Variants in WDFY3 observed in about 807,000 individuals in gnomAD.
The protein encoded by WDFY3 is WD repeat and FYVE domain containing 3, also known as WD repeat and FYVE domain-containing protein 3.
In WDFY3, 66 loss-of-function variants were observed where a neutral mutation model predicts 409.6. That is an observed-to-expected ratio of 0.16 (90% CI 0.13 to 0.20). The LOEUF (loss-of-function observed/expected upper bound fraction) is 0.20. WDFY3 is among the 10% of genes least tolerant of loss of function. The pLI is 1.00. For synonymous variants in WDFY3, 1,521 were observed against 1,537.1 expected (o/e 0.99, Z 0.25); for missense variants, 3,031 against 4,298.1 (o/e 0.71, Z 8.24).
chr4:84,710,070 G>C (rs546729541), intron 51 of WDFY3, among the ~76,000 whole-genome samples: 1 of 151,914 alleles, frequency 6.6e-6, no homozygotes, highest in Non-Finnish European at 1.5e-5. Context: ...TGTAGAGATG[G>C]GGTCTTGGTA....
chr4:84,715,409 T>A, intron 49 of WDFY3, 26 bp from the exon 50 acceptor site: 8 of 1,297,170 alleles, frequency 6.2e-6, no homozygotes, highest in Admixed American at 1.9e-5. Flanking sequence ...AGAAAAACAT[T>A]AAGAAAAAAC....
intron 1 of WDFY3, among the ~76,000 whole-genome samples, chr4:84,932,802 C>T (rs1242525849): frequency 6.6e-6 from 1 of 152,092 alleles, no homozygotes; most frequent in Admixed American, 6.5e-5. Context: ...AAGATAAATG[C>T]GGTATAGAGC....
At chr4:84,888,020 C>A (rs1176967436) in intron 3 of WDFY3, among the ~76,000 whole-genome samples, 4 of 152,078 alleles carry the variant, frequency 2.6e-5, no homozygotes, top group Non-Finnish European at 5.9e-5. Flanking sequence ...GACTCATGAG[C>A]GGTATCTTGG....
At chr4:84,914,490 G>C (rs1561065769) in intron 2 of WDFY3, among the ~76,000 whole-genome samples, 2 of 152,102 alleles carry the variant, frequency 1.3e-5, no homozygotes, top group South Asian at 4.1e-4. Context: ...AGAGTCAAAA[G>C]TTATACATAA....
chr4:84,693,628 T>C (rs1411345877), intron 58 of WDFY3, among the ~76,000 whole-genome samples: 3 of 152,182 alleles, frequency 2.0e-5, no homozygotes, highest in Admixed American at 6.5e-5. Context: ...CTGGGTGAGG[T>C]GGCTCATGCC....
intron 1 of WDFY3, among the ~76,000 whole-genome samples, chr4:84,963,929 T>C (rs926870300): frequency 1.3e-5 from 2 of 152,230 alleles, no homozygotes; most frequent in African/African-American, 4.8e-5. Flanking sequence ...ATCACAAACA[T>C]TTCTTGGGCA....
chr4:84,685,271 C>T (rs1728115153), intron 62 of WDFY3, among the ~76,000 whole-genome samples: 1 of 152,160 alleles, frequency 6.6e-6, no homozygotes, highest in African/African-American at 2.4e-5. Flanking sequence ...GTGGAGGAGG[C>T]TGGGGTAGGG....
intron 3 of WDFY3, among the ~76,000 whole-genome samples, chr4:84,874,125 A>G (rs1179626107): frequency 6.6e-6 from 1 of 151,566 alleles, no homozygotes; most frequent in Non-Finnish European, 1.5e-5. Context: ...CTGATAAACC[A>G]AGCAGAGACC....
At chr4:84,939,187 G>T (rs990549691) in intron 1 of WDFY3, among the ~76,000 whole-genome samples, 2 of 151,880 alleles carry the variant, frequency 1.3e-5, no homozygotes, top group African/African-American at 4.8e-5. Flanking sequence ...TTCCCTCCCC[G>T]CTTTTTAAAG....
At chr4:84,805,266 T>C (rs1210097765) in intron 15 of WDFY3, among the ~76,000 whole-genome samples, 3 of 152,170 alleles carry the variant, frequency 2.0e-5, no homozygotes, top group Non-Finnish European at 4.4e-5. Flanking sequence ...AAAACAATTC[T>C]GGTCCCAAGT....
chr4:84,793,219 C>T (rs1271144203), intron 21 of WDFY3, among the ~76,000 whole-genome samples: 1 of 152,192 alleles, frequency 6.6e-6, no homozygotes, highest in Admixed American at 6.5e-5. Context: ...CTCTCCTAGG[C>T]TGGAGTGCCA....
chr4:84,884,132 T>C (rs1001832716), intron 3 of WDFY3, among the ~76,000 whole-genome samples: 1 of 152,170 alleles, frequency 6.6e-6, no homozygotes, highest in Non-Finnish European at 1.5e-5. Context: ...TGGTCAAAAC[T>C]GAGTCACGCC....
At chr4:84,702,110 C>A (rs571131438) in intron 56 of WDFY3, among the ~76,000 whole-genome samples, 1 of 152,276 alleles carries the variant, frequency 6.6e-6, no homozygotes, top group South Asian at 2.1e-4. Flanking sequence ...CAGGTTCAAG[C>A]AATTTTCCTG....
intron 1 of WDFY3, among the ~76,000 whole-genome samples, chr4:84,936,110 C>T (rs2150993351): frequency 6.6e-6 from 1 of 152,278 alleles, no homozygotes; most frequent in Admixed American, 6.5e-5. Context: ...TGAAATGCCA[C>T]AGAAACCTGA....
chr4:84,915,237 C>T (rs973067767), intron 2 of WDFY3, among the ~76,000 whole-genome samples: 5 of 152,004 alleles, frequency 3.3e-5, no homozygotes, highest in African/African-American at 4.8e-5. Flanking sequence ...GAAAAACTTC[C>T]GGAAATAGAT....
chr4:84,845,040 A>G (rs1456562100), intron 5 of WDFY3, among the ~76,000 whole-genome samples: 1 of 152,214 alleles, frequency 6.6e-6, no homozygotes, highest in Admixed American at 6.5e-5. Context: ...CTTCAGATAG[A>G]TGTAAACAAC....
At position 84,740,215 on chromosome 4, in the gene WDFY3, G is replaced by A. The variant is rs757115708; in HGVS notation, c.6436C>T (p.His2146Tyr). The stretch of plus-strand genomic sequence containing the variant: ...CCAACATGTAGATTTATCAAGCAGT[G>A]GGCCAGACAGCTAATGAATTCTTGG... ...HDQEFISCLAHCLINLHVGSN... is the reference protein window; with the variant it reads ...HDQEFISCLAYCLINLHVGSN... The change falls in exon 39 of 68, where the codon CAC (histidine) becomes TAC (tyrosine). Residue 2146 changes from histidine (H) to tyrosine (Y), a missense_variant. Transcript: ENST00000295888. The A allele has an allele frequency of 6.2e-7, 1 of 1,614,070 alleles. No individual in the cohort carries two copies. Among genetic ancestry groups the A allele is most frequent in the South Asian group, 1.1e-5 (1 of 91,078 alleles).
At chr4:84,770,406 CA>C (rs1270513546) in intron 30 of WDFY3, among the ~76,000 whole-genome samples, 2 of 152,148 alleles carry the variant, frequency 1.3e-5, no homozygotes, top group Non-Finnish European at 2.9e-5. Context: ...ATAACTTTTA[CA>C]GCACTGGGAA....
chr4:84,780,034 A>G, intron 26 of WDFY3, 74 bp downstream of exon 26: 16 of 1,430,030 alleles, frequency 1.1e-5, no homozygotes, highest in Non-Finnish European at 1.5e-5. Context: ...GTTTCAAACA[A>G]CATGAATGAT....
Sources: allele counts gnomAD v4.1 joint callset (sites outside exome capture counted in the v4.1 genomes callset), GRCh38; gene constraint gnomAD v4.1.1; transcripts MANE v1.5; gene names NCBI Gene and HGNC (gene_info 2026-07-23, HGNC 2026-07-21).